Variants in ARHGAP18 observed in about 807,000 individuals in gnomAD.
The protein encoded by ARHGAP18 is rho GTPase-activating protein 18.
ARHGAP18 carries 67 observed loss-of-function variants against 86.2 expected under a neutral mutation model. The observed-to-expected ratio is 0.78, with a 90% CI of 0.64 to 0.95. The LOEUF (loss-of-function observed/expected upper bound fraction) is 0.95. Ranked by LOEUF, ARHGAP18 falls within the 40% of genes least tolerant of loss-of-function variation. ARHGAP18 has a pLI of 0.00. For missense variants in ARHGAP18, 691 were observed against 780.4 expected, an observed-to-expected ratio of 0.89 and a Z score of 1.37; for synonymous variants, 283 against 280.4, an observed-to-expected ratio of 1.01 and a Z score of -0.09.
intron 4 of ARHGAP18, among the ~76,000 whole-genome samples, chr6:129,633,194 C>T (rs1773254138): frequency 6.6e-6 from 1 of 151,288 alleles, no homozygotes; most frequent in East Asian, 1.9e-4. Context: ...TTGGGAGGCC[C>T]AGGCAGGCAG....
At chr6:129,692,015 A>G (rs1774538568) in intron 1 of ARHGAP18, among the ~76,000 whole-genome samples, 1 of 152,210 alleles carries the variant, frequency 6.6e-6, no homozygotes, top group South Asian at 2.1e-4. Context: ...TGACACAGCC[A>G]GCACCTCTGC....
At chr6:129,671,854 C>CT (rs1774147738) in intron 1 of ARHGAP18, among the ~76,000 whole-genome samples, 1 of 152,166 alleles carries the variant, frequency 6.6e-6, no homozygotes, top group African/African-American at 2.4e-5. Flanking sequence ...TGTAGAATGT[C>CT]TAACACAGCT....
intron 1 of ARHGAP18, among the ~76,000 whole-genome samples, chr6:129,646,521 C>A (rs992003098): frequency 9.2e-5 from 14 of 152,106 alleles, no homozygotes; most frequent in Non-Finnish European, 4.4e-5. Context: ...TAGGCGATAT[C>A]TACTGATATT....
At chr6:129,698,592 G>A (rs1169219141) in intron 1 of ARHGAP18, among the ~76,000 whole-genome samples, 1 of 151,292 alleles carries the variant, frequency 6.6e-6, no homozygotes. Flanking sequence ...ACCCAGGCTG[G>A]AGTGCAGTAA....
chr6:129,613,137 G>T (rs2114463639), intron 7 of ARHGAP18, among the ~76,000 whole-genome samples: 1 of 151,648 alleles, frequency 6.6e-6, no homozygotes, highest in African/African-American at 2.4e-5. Context: ...GGAGGCTGAG[G>T]CAGGAGAATG....
At chr6:129,645,390 A>C (rs1200092894) in intron 1 of ARHGAP18, among the ~76,000 whole-genome samples, 2 of 152,206 alleles carry the variant, frequency 1.3e-5, no homozygotes, top group Non-Finnish European at 2.9e-5. Context: ...ATAAAGCAAC[A>C]TCTGCTAGAT....
intron 1 of ARHGAP18, among the ~76,000 whole-genome samples, chr6:129,646,806 G>A (rs1380414812): frequency 6.6e-6 from 1 of 152,114 alleles, no homozygotes; most frequent in African/African-American, 2.4e-5. Flanking sequence ...GAGTGAAAGA[G>A]GCAAATAACA....
intron 1 of ARHGAP18, among the ~76,000 whole-genome samples, chr6:129,651,617 C>T (rs980801938): frequency 6.6e-6 from 1 of 152,086 alleles, no homozygotes; most frequent in Non-Finnish European, 1.5e-5. Context: ...CCAGCATAGG[C>T]CTCCAGGTCA....
intron 1 of ARHGAP18, among the ~76,000 whole-genome samples, chr6:129,642,779 CATTTT>C (rs1410103130): frequency 6.6e-6 from 1 of 152,008 alleles, no homozygotes; most frequent in Non-Finnish European, 1.5e-5. Context: ...TTTGAATTTC[CATTTT>C]ATTTTTGAAA....
chr6:129,689,251 A>G (rs1774484627), intron 1 of ARHGAP18, among the ~76,000 whole-genome samples: 5 of 152,158 alleles, frequency 3.3e-5, no homozygotes, highest in Admixed American at 3.3e-4. Flanking sequence ...CATGAGGATA[A>G]GAGAAACCAG....
chr6:129,616,690 A>G (rs1289720257), intron 6 of ARHGAP18, among the ~76,000 whole-genome samples: 2 of 152,218 alleles, frequency 1.3e-5, no homozygotes, highest in Non-Finnish European at 2.9e-5. Context: ...GCTTATGTCT[A>G]TAACCCCAGC....
chr6:129,699,565 C>T (rs560719839), intron 1 of ARHGAP18, among the ~76,000 whole-genome samples: 1 of 152,240 alleles, frequency 6.6e-6, no homozygotes, highest in African/African-American at 2.4e-5. Flanking sequence ...CAAATAAATG[C>T]TGTTTTAAGT....
In ARHGAP18 at chr6:129,590,786, C is replaced by T. The variant is rs529202209; in HGVS notation, c.1714-6674G>A. Reference sequence around the variant, plus strand: ...TGACCACTAGAGAACCTGTATTCTACGGCAGGGAGAGAGAGTGTGTGTGTG... The same window carrying T: ...TGACCACTAGAGAACCTGTATTCTATGGCAGGGAGAGAGAGTGTGTGTGTG... On this transcript the variant is annotated intron_variant, in intron 12 of 14. Transcript: ENST00000368149. Among the ~76,000 whole-genome samples, 10 of 152,262 alleles carry T rather than the reference C, an allele frequency of 6.6e-5. No homozygotes were observed. The East Asian group carries it at 1.4e-3, about 21-fold the overall frequency.
At chr6:129,660,854 A>C (rs968129519) in intron 1 of ARHGAP18, among the ~76,000 whole-genome samples, 8 of 152,112 alleles carry the variant, frequency 5.3e-5, no homozygotes, top group African/African-American at 1.9e-4. Flanking sequence ...CAACGAAAAC[A>C]AATTTAGGAT....
At chr6:129,652,377 A>G (rs766534197) in intron 1 of ARHGAP18, among the ~76,000 whole-genome samples, 1 of 152,208 alleles carries the variant, frequency 6.6e-6, no homozygotes, top group Non-Finnish European at 1.5e-5. Context: ...GTTCTCGCCA[A>G]ATCAAATTCT....
chr6:129,611,655 G>T, intron 7 of ARHGAP18, 45 bp from the exon 8 acceptor site: 1 of 1,528,698 alleles, frequency 6.5e-7, no homozygotes, highest in Non-Finnish European at 9.0e-7. Flanking sequence ...ATTTGTAACA[G>T]GTACAATTCC....
intron 4 of ARHGAP18, among the ~76,000 whole-genome samples, chr6:129,631,491 G>A (rs1266634005): frequency 2.6e-5 from 4 of 152,124 alleles, no homozygotes; most frequent in African/African-American, 9.7e-5. Flanking sequence ...GAGGGGTACT[G>A]CTACAAGAAA....
chr6:129,646,650 C>G (rs1001894088), intron 1 of ARHGAP18, among the ~76,000 whole-genome samples: 1 of 152,114 alleles, frequency 6.6e-6, no homozygotes. Flanking sequence ...ATGAGTAGCA[C>G]TGTTTTATAT....
chr6:129,576,670 G>A lies in ARHGAP18; in HGVS notation c.*1843C>T, dbSNP rs753618856. 3.9e-5 allele frequency: 6 copies of A among 151,976 alleles called. No homozygotes were observed. Among genetic ancestry groups the A allele is most frequent in the East Asian group, 1.9e-4 (1 of 5,192 alleles). The allele number at this position is 151,976 out of a possible 1,614,324, so 9.4% of individuals were successfully genotyped here. A position where few individuals can be genotyped will look rare whatever the true frequency, so the allele number is the denominator to read the frequency against. ...TTTTCAGGTAGGTAGCAAACGTTGC[G>A]AAATTTAGTTGGCATATGCTTCAGA... On this transcript the variant is annotated 3_prime_UTR_variant, in exon 15 of 15. Coordinates refer to ENST00000368149, the MANE Select transcript of ARHGAP18 (RefSeq NM_033515.3).
Sources: gnomAD v4.1 joint callset for allele counts (sites outside exome capture counted in the v4.1 genomes callset) on GRCh38, gnomAD v4.1.1 for gene constraint, MANE v1.5 for transcripts, NCBI Gene and HGNC (gene_info 2026-07-23, HGNC 2026-07-21) for gene names.